The following ADAMTSL1 variants were observed in gnomAD, a reference collection of about 807,000 sequenced individuals.
ADAMTSL1 encodes the protein ADAMTS-like protein 1.
In ADAMTSL1, 126 loss-of-function variants were observed where a neutral mutation model predicts 201.8. The observed-to-expected ratio is 0.62, with a 90% CI of 0.54 to 0.72. The LOEUF (loss-of-function observed/expected upper bound fraction) is 0.72, where lower values mean the gene tolerates loss of function less well. ADAMTSL1 is among the 30% of genes least tolerant of loss of function. ADAMTSL1 has a pLI of 0.00. For synonymous variants in ADAMTSL1, 1,121 were observed against 903.4 expected, an observed-to-expected ratio of 1.24 and a Z score of -4.32; for missense variants, 2,679 against 2,277.8, an observed-to-expected ratio of 1.18 and a Z score of -3.59.
At chr9:18,368,614 G>A (rs1836895039) in intron 2 of ADAMTSL1, among the ~76,000 whole-genome samples, 1 of 152,130 alleles carries the variant, frequency 6.6e-6, no homozygotes, top group Admixed American at 6.5e-5. Flanking sequence ...TGCCTCCAAA[G>A]TTTGCCTGCA....
At chr9:17,913,154 G>T (rs1413286250) in intron 1 of ADAMTSL1, among the ~76,000 whole-genome samples, 1 of 152,006 alleles carries the variant, frequency 6.6e-6, no homozygotes, top group Non-Finnish European at 1.5e-5. Context: ...TGTTCTTTTG[G>T]CTTAGGATTG....
At chr9:18,490,042 T>A (rs1041498324) in intron 1 of ADAMTSL1, among the ~76,000 whole-genome samples, 1 of 152,220 alleles carries the variant, frequency 6.6e-6, no homozygotes, top group Admixed American at 6.5e-5. Context: ...TCTCCAGCTG[T>A]CTGGAGTCTA....
chr9:18,356,166 G>A (rs1292718782), intron 2 of ADAMTSL1, among the ~76,000 whole-genome samples: 1 of 152,194 alleles, frequency 6.6e-6, no homozygotes, highest in Non-Finnish European at 1.5e-5. Flanking sequence ...CTACCCAAAG[G>A]CAGGAACATC....
intron 2 of ADAMTSL1, among the ~76,000 whole-genome samples, chr9:18,445,473 A>G (rs1352162106): frequency 1.3e-5 from 2 of 152,184 alleles, no homozygotes; most frequent in East Asian, 1.9e-4. Flanking sequence ...GAGTTCTTCA[A>G]TATCCCATAT....
chr9:18,688,118 G>GTATATATATATATATATATA (rs71333061), intron 13 of ADAMTSL1, among the ~76,000 whole-genome samples: 95 of 142,694 alleles, frequency 6.7e-4, no homozygotes, highest in African/African-American at 2.3e-3. Context: ...ATGTATGTAT[G>GTATATATATATATATATATA]TATATATATA....
At chr9:18,230,063 A>G (rs1830592530) in intron 2 of ADAMTSL1, among the ~76,000 whole-genome samples, 1 of 152,178 alleles carries the variant, frequency 6.6e-6, no homozygotes, top group African/African-American at 2.4e-5. Flanking sequence ...GGTAGGTAAG[A>G]TAAGAAAGAA....
intron 2 of ADAMTSL1, among the ~76,000 whole-genome samples, chr9:18,185,202 A>G (rs188819135): frequency 1.2e-4 from 19 of 152,260 alleles, no homozygotes; most frequent in Admixed American, 3.3e-4. Context: ...AGAATATGGC[A>G]AAGACGACAG....
At chr9:18,877,786 C>A (rs1415281887) in intron 23 of ADAMTSL1, among the ~76,000 whole-genome samples, 3 of 152,062 alleles carry the variant, frequency 2.0e-5, no homozygotes, top group Admixed American at 2.0e-4. Context: ...CCTAGGGTCA[C>A]CTGGATAAGT....
intron 2 of ADAMTSL1, among the ~76,000 whole-genome samples, chr9:18,513,374 A>T (rs1001677217): frequency 6.6e-6 from 1 of 152,180 alleles, no homozygotes; most frequent in Non-Finnish European, 1.5e-5. Context: ...ATTAGTCTAG[A>T]TACCTTATAT....
At chr9:18,473,166 A>G (rs1340122504), upstream of ADAMTSL1, among the ~76,000 whole-genome samples, 1 of 152,228 alleles carries the variant, frequency 6.6e-6, no homozygotes, top group Non-Finnish European at 1.5e-5. Flanking sequence ...TTTCTGCATT[A>G]TAACAGCTCT....
intron 3 of ADAMTSL1, among the ~76,000 whole-genome samples, chr9:18,541,721 G>T (rs1401790566): frequency 6.6e-6 from 1 of 152,072 alleles, no homozygotes; most frequent in African/African-American, 2.4e-5. Context: ...CAGTTTTCTT[G>T]CATATAAAAA....
At chr9:18,698,421 C>T (rs187816918) in intron 13 of ADAMTSL1, among the ~76,000 whole-genome samples, 1 of 152,098 alleles carries the variant, frequency 6.6e-6, no homozygotes. Flanking sequence ...GTAGCTTGGG[C>T]TTGCAGGTGT....
At chr9:18,150,274 G>C (rs1056199261) in intron 1 of ADAMTSL1, among the ~76,000 whole-genome samples, 1 of 151,946 alleles carries the variant, frequency 6.6e-6, no homozygotes, top group Non-Finnish European at 1.5e-5. Context: ...GATGGGCAGG[G>C]GAATACCAAA....
intron 23 of ADAMTSL1, among the ~76,000 whole-genome samples, chr9:18,857,687 C>A (rs771037924): frequency 6.6e-6 from 1 of 152,158 alleles, no homozygotes; most frequent in East Asian, 1.9e-4. Context: ...GGAATTAATA[C>A]GTCTTTTGTG....
chr9:18,086,838 G>A (rs1823790851), intron 1 of ADAMTSL1, among the ~76,000 whole-genome samples: 1 of 152,106 alleles, frequency 6.6e-6, no homozygotes, highest in Non-Finnish European at 1.5e-5. Flanking sequence ...CATAGTATTA[G>A]CTTCGTATTT....
At chr9:18,831,516 A>T (rs1824974847) in intron 23 of ADAMTSL1, among the ~76,000 whole-genome samples, 1 of 152,132 alleles carries the variant, frequency 6.6e-6, no homozygotes, top group East Asian at 1.9e-4. Flanking sequence ...TTTTTTCATG[A>T]TAGCTTTACT....
chr9:18,879,938 C>G (rs1193462387), intron 23 of ADAMTSL1, among the ~76,000 whole-genome samples: 4 of 152,324 alleles, frequency 2.6e-5, no homozygotes, highest in Non-Finnish European at 2.9e-5. Context: ...ATATAATATT[C>G]TAAATCCTTT....
intron 1 of ADAMTSL1, among the ~76,000 whole-genome samples, chr9:18,476,435 G>C (rs1368605793): frequency 2.6e-5 from 4 of 152,112 alleles, no homozygotes; most frequent in Admixed American, 2.6e-4. Flanking sequence ...ACCCTTTGTT[G>C]CAGATATTTA....
intron 13 of ADAMTSL1, among the ~76,000 whole-genome samples, chr9:18,706,003 G>A (rs1832209051): frequency 6.6e-6 from 1 of 152,192 alleles, no homozygotes; most frequent in African/African-American, 2.4e-5. Context: ...GACGAGCAAA[G>A]TGAAAGCAAG....
Sources: gnomAD v4.1 joint callset for allele counts (sites outside exome capture counted in the v4.1 genomes callset) on GRCh38, gnomAD v4.1.1 for gene constraint, MANE v1.5 for transcripts, NCBI Gene and HGNC (gene_info 2026-07-23, HGNC 2026-07-21) for gene names.